The following GPR39 variants were observed in gnomAD, a reference collection of about 807,000 sequenced individuals.
GPR39 encodes zinc sensing receptor.
Under a neutral mutation model 18.4 loss-of-function variants are expected in GPR39, and 23 were observed. The observed-to-expected ratio is 1.25, with a 90% confidence interval of 0.90 to 1.77. The LOEUF (loss-of-function observed/expected upper bound fraction) is 1.77, where lower values mean the gene tolerates loss of function less well. Among genes scored for constraint, GPR39 ranks in the 40% most tolerant of loss-of-function variants. The pLI is 0.00. For missense variants in GPR39, 647 were observed against 602.4 expected (o/e 1.07, Z -0.78); for synonymous variants, 280 against 257.9 (o/e 1.09, Z -0.82).
chr2:132,582,811 C>A (rs1207591664), intron 1 of GPR39, among the ~76,000 whole-genome samples: 1 of 152,024 alleles, frequency 6.6e-6, no homozygotes, highest in Non-Finnish European at 1.5e-5. Flanking sequence ...ACTTTTCAAT[C>A]TGCAGGTTGC....
At position 132,417,030 on chromosome 2, in the gene GPR39, G is replaced by C; in HGVS notation, c.-13G>C. On this transcript the variant is annotated 5_prime_UTR_variant, in exon 1 of 2. Coordinates refer to ENST00000329321, the MANE Select transcript of GPR39 (RefSeq NM_001508.3). Reference sequence around the variant, plus strand: ...AGAAAGTCTTTGGACCTGGTAGCCTGGTGCTCTTTCTCATGGCTTCACCCA... The same window carrying C: ...AGAAAGTCTTTGGACCTGGTAGCCTCGTGCTCTTTCTCATGGCTTCACCCA... 1 of 1,610,702 alleles carries C rather than the reference G, an allele frequency of 6.2e-7. No homozygotes were observed. Among genetic ancestry groups the C allele is most frequent in the Admixed American group, 1.7e-5 (1 of 59,958 alleles).
At chr2:132,444,331 T>TGCAGTGATA (rs2104766900) in intron 1 of GPR39, among the ~76,000 whole-genome samples, 1 of 152,208 alleles carries the variant, frequency 6.6e-6, no homozygotes, top group South Asian at 2.1e-4. Context: ...CTCACTCTTG[T>TGCAGTGATA]CACCTTAGGC....
chr2:132,582,164 C>T (rs1411937319), intron 1 of GPR39, among the ~76,000 whole-genome samples: 1 of 152,166 alleles, frequency 6.6e-6, no homozygotes, highest in Non-Finnish European at 1.5e-5. Flanking sequence ...GTCAAAGCTA[C>T]AGGTGATCCG....
At chr2:132,479,790 T>C (rs768314567) in intron 1 of GPR39, among the ~76,000 whole-genome samples, 1 of 152,146 alleles carries the variant, frequency 6.6e-6, no homozygotes, top group Non-Finnish European at 1.5e-5. Flanking sequence ...GAAAACAGTA[T>C]GGAGATTCTT....
chr2:132,640,706 C>T (rs866998232), intron 1 of GPR39, among the ~76,000 whole-genome samples: 1 of 152,212 alleles, frequency 6.6e-6, no homozygotes, highest in African/African-American at 2.4e-5. Context: ...CTTTAATACA[C>T]TCTATTAGGG....
intron 1 of GPR39, among the ~76,000 whole-genome samples, chr2:132,588,981 C>T (rs191011983): frequency 5.5e-4 from 81 of 147,900 alleles, no homozygotes; most frequent in Admixed American, 5.3e-3. Context: ...GCTCTGATCT[C>T]CCCTTAGAAC....
At chr2:132,542,814 C>T (rs928661560) in intron 1 of GPR39, among the ~76,000 whole-genome samples, 1 of 152,196 alleles carries the variant, frequency 6.6e-6, no homozygotes, top group Non-Finnish European at 1.5e-5. Flanking sequence ...TTCTCTGTGG[C>T]AGTAGGGTCC....
intron 1 of GPR39, among the ~76,000 whole-genome samples, chr2:132,506,287 A>C (rs983797999): frequency 1.3e-5 from 2 of 151,310 alleles, no homozygotes; most frequent in African/African-American, 4.9e-5. Context: ...AGTTCTTTTT[A>C]TATTCTGAAT....
chr2:132,452,469 G>A (rs941873310), intron 1 of GPR39, among the ~76,000 whole-genome samples: 3 of 144,954 alleles, frequency 2.1e-5, no homozygotes, highest in African/African-American at 8.5e-5. Flanking sequence ...TTTCCTTTCT[G>A]TTTCTTTCTG....
chr2:132,561,297 A>T (rs892324721), intron 1 of GPR39, among the ~76,000 whole-genome samples: 1 of 152,040 alleles, frequency 6.6e-6, no homozygotes, highest in African/African-American at 2.4e-5. Flanking sequence ...CTCCAGGTGA[A>T]TCATACCCCT....
intron 1 of GPR39, among the ~76,000 whole-genome samples, chr2:132,579,034 T>C (rs960869121): frequency 6.6e-6 from 1 of 151,880 alleles, no homozygotes; most frequent in South Asian, 2.1e-4. Flanking sequence ...TTTTTTAAGT[T>C]CTTGAGGGTG....
At chr2:132,446,031 A>G (rs1027060525) in intron 1 of GPR39, among the ~76,000 whole-genome samples, 2 of 152,110 alleles carry the variant, frequency 1.3e-5, no homozygotes, top group Admixed American at 6.5e-5. Context: ...TGAAGTGCAG[A>G]GATGTGACTC....
At chr2:132,512,395 A>T (rs1679257343) in intron 1 of GPR39, among the ~76,000 whole-genome samples, 1 of 152,134 alleles carries the variant, frequency 6.6e-6, no homozygotes, top group Non-Finnish European at 1.5e-5. Context: ...GGGGGGGTAC[A>T]GCCCCCTTCT....
rs76521357 is a variant in GPR39 at position 132,593,665 on chromosome 2, G to C, written c.857-51436G>C. On this transcript the variant is annotated intron_variant, in intron 1 of 1. Coordinates refer to ENST00000329321, the MANE Select transcript of GPR39 (RefSeq NM_001508.3). ...GGAAACAGCAGGCTTGGGGAGCCTG[G>C]GAGTGTATTTGGATATGCTCAGTTT... Among the ~76,000 whole-genome samples, 467 of 152,246 alleles carry C rather than the reference G, an allele frequency of 3.1e-3. 1 individual carries two copies. Among genetic ancestry groups the C allele is most frequent in the Non-Finnish European group, 4.2e-3 (283 of 68,016 alleles).
rs1573591616 is a variant in GPR39, at chr2:132,417,878, G to A, written c.836G>A (p.Arg279Lys). The A allele has an allele frequency of 6.3e-7, 1 of 1,594,024 alleles. No homozygotes were observed. Among genetic ancestry groups the A allele is most frequent in the Middle Eastern group, 1.7e-4 (1 of 5,858 alleles). ...SESEESRTAR[R>K]QTIIFLRLIV... The stretch of plus-strand genomic sequence containing the variant: ...AGCGAAGAGAGCAGGACCGCCAGGA[G>A]GCAGACCATCATCTTCCTGAGTGAG... Residue 279 changes from arginine (R) to lysine (K), a missense_variant, in exon 1 of 2, where the codon AGG becomes AAG. Transcript: ENST00000329321.
At chr2:132,485,949 C>T (rs969914362) in intron 1 of GPR39, among the ~76,000 whole-genome samples, 6 of 152,120 alleles carry the variant, frequency 3.9e-5, no homozygotes, top group Non-Finnish European at 5.9e-5. Context: ...TCAGAAGGAT[C>T]GCTGACAGCT....
intron 1 of GPR39, among the ~76,000 whole-genome samples, chr2:132,432,341 AG>A (rs1217552083): frequency 1.3e-5 from 2 of 152,170 alleles, no homozygotes; most frequent in Non-Finnish European, 2.9e-5. Context: ...AAACCCCATG[AG>A]GGATGTACTA....
intron 1 of GPR39, among the ~76,000 whole-genome samples, chr2:132,591,257 CAA>C (rs747314988): frequency 4.5e-4 from 11 of 24,602 alleles, no homozygotes; most frequent in East Asian, 2.4e-3. Context: ...GACTCCGTCT[CAA>C]AAAAAAAAAA....
intron 1 of GPR39, among the ~76,000 whole-genome samples, chr2:132,466,880 T>C (rs1680936522): frequency 6.6e-6 from 1 of 152,188 alleles, no homozygotes; most frequent in African/African-American, 2.4e-5. Context: ...TTATGATTAC[T>C]CTTCAGTATG....
Sources: allele counts gnomAD v4.1 joint callset (sites outside exome capture counted in the v4.1 genomes callset), GRCh38; gene constraint gnomAD v4.1.1; transcripts MANE v1.5; gene names NCBI Gene and HGNC (gene_info 2026-07-23, HGNC 2026-07-21).